The following MTX2 variants were observed in gnomAD, a reference collection of about 807,000 sequenced individuals.
MTX2 encodes metaxin-2.
Under a neutral mutation model 42.3 loss-of-function variants are expected in MTX2, and 35 were observed. That is an observed-to-expected ratio of 0.83 (90% confidence interval 0.63 to 1.10). MTX2 has a LOEUF of 1.10. Among genes scored for constraint, MTX2 ranks in the 50% least tolerant of loss-of-function variants. The probability of loss-of-function intolerance (pLI) is 0.00; values close to 1 mark genes in which losing one functional copy is unlikely to be tolerated. For missense variants in MTX2, 307 were observed against 304.1 expected, an observed-to-expected ratio of 1.01 and a Z score of -0.07; for synonymous variants, 119 against 100.9, an observed-to-expected ratio of 1.18 and a Z score of -1.08.
intron 3 of MTX2, among the ~76,000 whole-genome samples, chr2:176,308,369 T>C (rs546598389): frequency 4.8e-4 from 73 of 152,332 alleles, no homozygotes; most frequent in African/African-American, 1.6e-3. Context: ...TTCTCTTTTT[T>C]TGTTGTGTCT....
At chr2:176,302,046 C>T (rs1366334485) in intron 3 of MTX2, among the ~76,000 whole-genome samples, 10 of 151,208 alleles carry the variant, frequency 6.6e-5, no homozygotes, top group Non-Finnish European at 1.5e-4. Flanking sequence ...ATGTGCTAGC[C>T]GTTGCACAAC....
intron 4 of MTX2, among the ~76,000 whole-genome samples, chr2:176,326,207 A>G (rs1684701424): frequency 6.6e-6 from 1 of 151,758 alleles, no homozygotes; most frequent in African/African-American, 2.4e-5. Flanking sequence ...TTATAAACAT[A>G]CTATTATTTT....
At position 176,330,611 on chromosome 2, in the gene MTX2, C is replaced by A. The variant is rs538690042; in HGVS notation, c.571C>A (p.Gln191Lys). 3.1e-6 allele frequency: 5 copies of A among 1,595,024 alleles called. No individual in the cohort carries two copies. Among genetic ancestry groups the A allele is most frequent in the Admixed American group, 3.4e-5 (2 of 59,492 alleles). ...CTTAGAGGATGTAGACCAGTGCTGT[C>A]AAGCTCTCTCTCAAAGACTGGGAAC... ...QVLEDVDQCC[Q>K]ALSQRLGTQP... is the part of the protein sequence containing the mutation. The change falls in exon 9 of 10, where the codon CAA becomes AAA. Residue 191 changes from glutamine to lysine, a missense_variant. By Grantham distance (53) the Gln-to-Lys change is moderately conservative (BLOSUM62 1). Transcript: ENST00000249442.
intron 1 of MTX2, among the ~76,000 whole-genome samples, chr2:176,286,378 A>G (rs1360131453): frequency 6.6e-6 from 1 of 152,074 alleles, no homozygotes; most frequent in Non-Finnish European, 1.5e-5. Context: ...GTTATTCTCT[A>G]GTTTTATTTG....
chr2:176,324,203 G>A (rs76197080), intron 4 of MTX2, among the ~76,000 whole-genome samples: 1,548 of 151,370 alleles, frequency 0.01, 21 homozygotes, highest in African/African-American at 0.035. Flanking sequence ...ATAACTGATT[G>A]GTATAAGTGT....
At chr2:176,276,772 C>T (rs1260769697) in intron 1 of MTX2, among the ~76,000 whole-genome samples, 4 of 152,088 alleles carry the variant, frequency 2.6e-5, no homozygotes, top group Admixed American at 2.0e-4. Context: ...CCAAAGTATT[C>T]TTACTTTTCT....
intron 9 of MTX2, among the ~76,000 whole-genome samples, chr2:176,335,327 A>G (rs1371700428): frequency 6.6e-6 from 1 of 152,118 alleles, no homozygotes; most frequent in African/African-American, 2.4e-5. Flanking sequence ...GAATGGTAGG[A>G]TATGAGGCTA....
At chr2:176,297,505 T>C (rs866206594) in intron 2 of MTX2, among the ~76,000 whole-genome samples, 25 of 152,198 alleles carry the variant, frequency 1.6e-4, no homozygotes, top group African/African-American at 4.6e-4. Context: ...GGTTTTATAT[T>C]ATTGTGAATG....
At chr2:176,297,953 G>C (rs1683931919) in intron 3 of MTX2, 58 bp downstream of exon 3, 1 of 1,316,864 alleles carries the variant, frequency 7.6e-7, no homozygotes, top group Non-Finnish European at 1.0e-6. Context: ...GCATCATTTT[G>C]ACTTGCAGTT....
rs769344220 is a variant in MTX2, at chr2:176,269,640, T to A, written c.11T>A (p.Val4Glu). The A allele has an allele frequency of 3.8e-6, 6 of 1,597,082 alleles. No homozygotes were observed. Among genetic ancestry groups the A allele is most frequent in the Non-Finnish European group, 5.1e-6 (6 of 1,174,584 alleles). The change falls in exon 1 of 10, where the codon GTG (valine) becomes GAG (glutamate). Residue 4 changes from valine to glutamate, a missense_variant. Transcript: ENST00000249442. MSL[V>E]AEAFVSQIAA... ...GGCCTCCCAGCCGACATGTCTCTAG[T>A]GGCGGAAGCCTTCGTCTCCCAGATT...
At chr2:176,328,756 C>G (rs559073224) in intron 6 of MTX2, 118 bp from the exon 7 acceptor site, 1 of 872,934 alleles carries the variant, frequency 1.1e-6, no homozygotes, top group African/African-American at 1.7e-5. Flanking sequence ...AAAAACAAAC[C>G]GCTACATGTG....
intron 1 of MTX2, among the ~76,000 whole-genome samples, chr2:176,277,494 C>T (rs1042045695): frequency 6.6e-6 from 1 of 152,196 alleles, no homozygotes; most frequent in Non-Finnish European, 1.5e-5. Context: ...CCTCCGCCTC[C>T]TGGGTTCAAG....
chr2:176,296,499 T>A (rs1389014445), intron 1 of MTX2, among the ~76,000 whole-genome samples: 1 of 152,168 alleles, frequency 6.6e-6, no homozygotes, highest in East Asian at 1.9e-4. Flanking sequence ...CATCAGTATC[T>A]TTTTATACAT....
chr2:176,277,942 C>T (rs1692985967), intron 1 of MTX2, among the ~76,000 whole-genome samples: 1 of 146,060 alleles, frequency 6.8e-6, no homozygotes, highest in Admixed American at 7.0e-5. Context: ...AAAATAGTGA[C>T]AAAATAGGTT....
intron 1 of MTX2, among the ~76,000 whole-genome samples, chr2:176,294,629 G>T (rs1683807306): frequency 6.6e-6 from 1 of 152,164 alleles, no homozygotes; most frequent in Admixed American, 6.5e-5. Context: ...GTTCATATAA[G>T]AACTCTGTTA....
chr2:176,337,043 A>T (rs955141593), intron 9 of MTX2, among the ~76,000 whole-genome samples: 2 of 152,170 alleles, frequency 1.3e-5, no homozygotes, highest in African/African-American at 2.4e-5. Context: ...CGTATATTTT[A>T]AATCATCTTT....
At chr2:176,331,237 G>A (rs974006114) in intron 9 of MTX2, among the ~76,000 whole-genome samples, 1 of 150,904 alleles carries the variant, frequency 6.6e-6, no homozygotes, top group African/African-American at 2.4e-5. Flanking sequence ...ATTTGCTTTT[G>A]CAGTTTTGAA....
At chr2:176,276,729 T>C (rs1348614054) in intron 1 of MTX2, among the ~76,000 whole-genome samples, 3 of 152,178 alleles carry the variant, frequency 2.0e-5, no homozygotes, top group Non-Finnish European at 4.4e-5. Flanking sequence ...TAACATGTAG[T>C]ATCCCATTAC....
chr2:176,306,755 G>A (rs1369600529), intron 3 of MTX2, among the ~76,000 whole-genome samples: 1 of 151,492 alleles, frequency 6.6e-6, no homozygotes, highest in African/African-American at 2.4e-5. Context: ...TTTTGATGGG[G>A]TTGTTTTTTT....
Sources: allele counts gnomAD v4.1 joint callset (sites outside exome capture counted in the v4.1 genomes callset), GRCh38; gene constraint gnomAD v4.1.1; transcripts MANE v1.5; gene names NCBI Gene and HGNC (gene_info 2026-07-23, HGNC 2026-07-21).